The following AVEN variants were observed in gnomAD, a reference collection of about 807,000 sequenced individuals.
AVEN encodes cell death regulator Aven.
Under a neutral mutation model 38.1 loss-of-function variants are expected in AVEN, and 41 were observed. The ratio of observed to expected loss-of-function variants is 1.08; its 90% confidence interval spans 0.84 to 1.40. The LOEUF (loss-of-function observed/expected upper bound fraction) is 1.40. AVEN is among the 40% of genes most tolerant of loss of function. AVEN has a pLI of 0.00. For missense variants in AVEN, 605 were observed against 438.8 expected (o/e 1.38, Z -3.38); for synonymous variants, 206 against 171.8 (o/e 1.20, Z -1.56).
At chr15:33,986,621 A>G (rs1896481864) in intron 2 of AVEN, among the ~76,000 whole-genome samples, 1 of 152,162 alleles carries the variant, frequency 6.6e-6, no homozygotes, top group Non-Finnish European at 1.5e-5. Flanking sequence ...TACACAGGAT[A>G]TAATAGATCA....
intron 2 of AVEN, among the ~76,000 whole-genome samples, chr15:33,957,959 C>T (rs953617287): frequency 1.3e-5 from 2 of 152,104 alleles, no homozygotes; most frequent in African/African-American, 4.8e-5. Context: ...ATTCTCAGTC[C>T]TCACCCCAGA....
At chr15:34,065,771 G>A (rs1900493839) in intron 4 of AVEN, 2 of 152,196 alleles carry the variant, frequency 1.3e-5, no homozygotes, top group African/African-American at 4.8e-5. Context: ...CCACAAAGAA[G>A]CAGTAGTGTG....
At chr15:34,056,995 C>T (rs548217680) in intron 5 of AVEN, among the ~76,000 whole-genome samples, 1 of 152,278 alleles carries the variant, frequency 6.6e-6, no homozygotes, top group South Asian at 2.1e-4. Context: ...ACTATGATCA[C>T]ACCACTGCAA....
intron 5 of AVEN, among the ~76,000 whole-genome samples, chr15:34,058,518 A>G (rs1411887083): frequency 6.6e-6 from 1 of 151,132 alleles, no homozygotes; most frequent in Non-Finnish European, 1.5e-5. Flanking sequence ...TAAATCTTCA[A>G]TCAGCATAAT....
chr15:33,891,482 T>C (rs1330341436), intron 2 of AVEN, among the ~76,000 whole-genome samples: 1 of 152,092 alleles, frequency 6.6e-6, no homozygotes, highest in Non-Finnish European at 1.5e-5. Flanking sequence ...TAAGAACATG[T>C]GGTGTTTGGT....
At chr15:34,013,137 C>T (rs1897706941) in intron 1 of AVEN, among the ~76,000 whole-genome samples, 2 of 152,126 alleles carry the variant, frequency 1.3e-5, no homozygotes, top group African/African-American at 4.8e-5. Context: ...TCTTGGCTCA[C>T]TGCAACCTCT....
downstream of AVEN, among the ~76,000 whole-genome samples, chr15:33,861,559 C>T (rs929941002): frequency 6.6e-6 from 1 of 151,896 alleles, no homozygotes; most frequent in African/African-American, 2.4e-5. Context: ...TTCTTTTTCC[C>T]TTTCAGCACA....
intron 2 of AVEN, among the ~76,000 whole-genome samples, chr15:33,933,863 G>A (rs975678436): frequency 5.3e-5 from 8 of 152,152 alleles, no homozygotes; most frequent in Admixed American, 2.0e-4. Flanking sequence ...GGTGGCTGAG[G>A]CACAAGAATT....
chr15:33,986,155 G>A (rs1219150865), intron 2 of AVEN, among the ~76,000 whole-genome samples: 1 of 151,496 alleles, frequency 6.6e-6, no homozygotes, highest in East Asian at 1.9e-4. Context: ...CGCCCAGGCT[G>A]GAGTGCAGTG....
Position 33,869,178 on chromosome 15 carries a change from G to A in AVEN, c.613-1323C>T, listed in dbSNP as rs552029453. 2.0e-5 allele frequency among the ~76,000 whole-genome samples: 3 copies of A among 152,270 alleles called. No homozygotes were observed. In the South Asian group the frequency reaches 6.2e-4, roughly 32 times the overall value. On this transcript the variant is annotated intron_variant, in intron 4 of 5. Coordinates refer to ENST00000306730, the MANE Select transcript of AVEN (RefSeq NM_020371.3). ...CATGGTCCTCTATTCTAATCTTAGAGTCATTTAATTGTTCTGGGGTGGGTG... is the reference window on the plus strand; with the variant it reads ...CATGGTCCTCTATTCTAATCTTAGAATCATTTAATTGTTCTGGGGTGGGTG...
At chr15:33,972,606 C>T (rs1034456923) in intron 2 of AVEN, 1 of 152,112 alleles carries the variant, frequency 6.6e-6, no homozygotes. Flanking sequence ...AAGTCTTCAA[C>T]AAATATTTGT....
intron 5 of AVEN, among the ~76,000 whole-genome samples, chr15:34,060,929 T>G (rs1045953997): frequency 4.0e-5 from 6 of 150,158 alleles, no homozygotes; most frequent in Admixed American, 1.3e-4. Flanking sequence ...GGCAGGAGAA[T>G]GGCGTGAACC....
In AVEN at chr15:33,867,616, T is replaced by C. The variant is rs779889066; in HGVS notation, c.852A>G (p.Glu284=). 2 of 1,614,220 alleles carry C rather than the reference T, an allele frequency of 1.2e-6. No individual in the cohort carries two copies. Among genetic ancestry groups the C allele is most frequent in the South Asian group, 2.2e-5 (2 of 91,090 alleles). Residue 284 remains glutamate (E), a synonymous_variant, in exon 5 of 6, where the codon GAA becomes GAG. Coordinates refer to ENST00000306730, the MANE Select transcript of AVEN (RefSeq NM_020371.3). ...CTAAATTAAGCAACAGATCTAGTTC[T>C]TCTTCCAAATGGTCTCCTGCTGACT... ...PLQSAGDHLE[E]ELDLLLNLDA... is the part of the protein sequence containing the mutation.
At chr15:33,903,497 G>C (rs1167522410) in intron 2 of AVEN, among the ~76,000 whole-genome samples, 2 of 152,204 alleles carry the variant, frequency 1.3e-5, no homozygotes, top group Non-Finnish European at 2.9e-5. Flanking sequence ...AGTTTCTGCA[G>C]CTTGCAACTA....
chr15:33,880,735 G>A (rs1409214395), intron 2 of AVEN, among the ~76,000 whole-genome samples: 2 of 151,728 alleles, frequency 1.3e-5, no homozygotes, highest in Non-Finnish European at 2.9e-5. Context: ...CAAAATAGTA[G>A]AAAACAAAGA....
chr15:33,982,942 C>T (rs1375594981), intron 2 of AVEN, among the ~76,000 whole-genome samples: 1 of 86,330 alleles, frequency 1.2e-5, no homozygotes, highest in Non-Finnish European at 2.0e-5. Flanking sequence ...GGACATGCCT[C>T]CTTCCTACCC....
intron 2 of AVEN, among the ~76,000 whole-genome samples, chr15:33,931,349 C>CTTTTTTTTT (rs71119903): frequency 1.2e-4 from 11 of 89,274 alleles, no homozygotes; most frequent in African/African-American, 2.6e-4. Context: ...TGAATATTTT[C>CTTTTTTTTT]TTTTTTTTTT....
At chr15:34,012,524 A>T (rs1897680453) in intron 1 of AVEN, among the ~76,000 whole-genome samples, 1 of 152,054 alleles carries the variant, frequency 6.6e-6, no homozygotes, top group Non-Finnish European at 1.5e-5. Context: ...TTTTGCTGGG[A>T]TTTCACTGCA....
chr15:33,919,347 C>A (rs953721225), intron 2 of AVEN, among the ~76,000 whole-genome samples: 1 of 152,102 alleles, frequency 6.6e-6, no homozygotes, highest in African/African-American at 2.4e-5. Context: ...TGATGTTATA[C>A]AGCAAAGGGA....
Sources: allele counts gnomAD v4.1 joint callset (sites outside exome capture counted in the v4.1 genomes callset), GRCh38; gene constraint gnomAD v4.1.1; transcripts MANE v1.5; gene names NCBI Gene and HGNC (gene_info 2026-07-23, HGNC 2026-07-21).